The following MIS18BP1 variants were observed in gnomAD, a reference collection of about 807,000 sequenced individuals.
MIS18BP1 encodes mis18-binding protein 1.
In MIS18BP1, 72 loss-of-function variants were observed where a neutral mutation model predicts 116.1. That is an observed-to-expected ratio of 0.62 (90% CI 0.51 to 0.75). MIS18BP1 has a LOEUF of 0.75. Among genes scored for constraint, MIS18BP1 ranks in the 30% least tolerant of loss-of-function variants. The probability of loss-of-function intolerance (pLI) is 0.00; values close to 1 mark genes in which losing one functional copy is unlikely to be tolerated. For missense variants in MIS18BP1, 1,363 were observed against 1,303.2 expected (o/e 1.05, Z -0.71); for synonymous variants, 386 against 427.0 (o/e 0.90, Z 1.18).
chr14:45,218,903 C>T (rs1271888627), intron 11 of MIS18BP1, among the ~76,000 whole-genome samples: 1 of 129,528 alleles, frequency 7.7e-6, no homozygotes, highest in Non-Finnish European at 1.8e-5. Context: ...AAGTGTTATG[C>T]TTGCTTTCAT....
chr14:45,210,475 G>A lies in MIS18BP1; in HGVS notation c.3057C>T (p.Asp1019=). Reference sequence around the variant, plus strand: ...CTGATGATGGAGTTGTTGGATTTTTGTCCATATTTGGCAGAATATCATCAT... The same window carrying A: ...CTGATGATGGAGTTGTTGGATTTTTATCCATATTTGGCAGAATATCATCAT... The part of the protein sequence containing the change: ...EDDDDILPNM[D]KNPTTPSSVI... Residue 1019 remains aspartate (D), a synonymous_variant, in exon 14 of 17, where the codon GAC becomes GAT. Coordinates refer to ENST00000310806, the MANE Select transcript of MIS18BP1 (RefSeq NM_018353.5). 6.2e-7 allele frequency: 1 copy of A among 1,613,934 alleles called. No individual in the cohort carries two copies. Among genetic ancestry groups the A allele is most frequent in the African/African-American group, 1.3e-5 (1 of 75,002 alleles).
rs1363384120 is a variant in MIS18BP1, at chr14:45,242,037, A to G, written c.1140T>C (p.Asn380=). 1.9e-6 allele frequency: 3 copies of G among 1,593,832 alleles called. No homozygotes were observed. The highest frequency in any genetic ancestry group is 2.6e-6 in the Non-Finnish European group (3 of 1,171,462). Residue 380 remains asparagine, a synonymous_variant, in exon 4 of 17, where the codon AAT becomes AAC. Transcript: ENST00000310806. ...TCTGTCTTAAAAGTTTTCCCACCTG[A>G]TTTTTTTTAAGTCCATTTGTAACAG... ...FQTVTNGLKK[N]QVVQLQEWMI... is the part of the protein sequence containing the mutation.
chr14:45,216,389 A>T (rs1014309315), intron 13 of MIS18BP1, among the ~76,000 whole-genome samples: 1 of 152,234 alleles, frequency 6.6e-6, no homozygotes, highest in African/African-American at 2.4e-5. Flanking sequence ...TTCAGAAAGT[A>T]CATAAATATA....
chr14:45,250,070 A>G (rs919736081), intron 1 of MIS18BP1: 6 of 152,180 alleles, frequency 3.9e-5, no homozygotes, highest in African/African-American at 1.4e-4. Flanking sequence ...TTAAAGTCAG[A>G]TAATTGTGGT....
chr14:45,222,967 G>A (rs574964602), intron 11 of MIS18BP1, among the ~76,000 whole-genome samples: 9 of 152,190 alleles, frequency 5.9e-5, no homozygotes, highest in Non-Finnish European at 1.3e-4. Context: ...TGTAGAGAAG[G>A]TTCTCATCTC....
chr14:45,232,436 A>AAAC (rs1555372031), intron 7 of MIS18BP1: 87 of 238,916 alleles, frequency 3.6e-4, no homozygotes, highest in African/African-American at 1.3e-3. Flanking sequence ...AAAAAAAAAA[A>AAAC]AACAACAACA....
intron 13 of MIS18BP1, among the ~76,000 whole-genome samples, chr14:45,211,511 C>T (rs1334730427): frequency 6.6e-6 from 1 of 152,240 alleles, no homozygotes; most frequent in Non-Finnish European, 1.5e-5. Context: ...CTCCTATGTT[C>T]ACTCCACAAA....
intron 14 of MIS18BP1, among the ~76,000 whole-genome samples, chr14:45,207,426 G>A (rs1161149952): frequency 5.9e-5 from 9 of 152,282 alleles, no homozygotes; most frequent in East Asian, 5.8e-4. Flanking sequence ...TGAGGCTGGC[G>A]GATTACCTGA....
At position 45,242,781 on chromosome 14, in the gene MIS18BP1, G is replaced by A. The variant is rs1326500174; in HGVS notation, c.638C>T (p.Pro213Leu). 6.2e-7 allele frequency: 1 copy of A among 1,610,934 alleles called. No homozygotes were observed. Among genetic ancestry groups the A allele is most frequent in the East Asian group, 2.2e-5 (1 of 44,844 alleles). Reference sequence around the variant, plus strand: ...TTTACCGTAAGTTAAATTGTGCAGTGGTGCTTTCTTTTCCTGCTGGCACTG... The same window carrying A: ...TTTACCGTAAGTTAAATTGTGCAGTAGTGCTTTCTTTTCCTGCTGGCACTG... ...KIQCQQEKKA[P>L]LHNLTYELPT... Residue 213 changes from proline (P) to leucine (L), a missense_variant, in exon 3 of 17, where the codon CCA (proline) becomes CTA (leucine). Pro to Leu is a moderately conservative substitution (Grantham distance 98). Transcript: ENST00000310806.
intron 8 of MIS18BP1, among the ~76,000 whole-genome samples, chr14:45,230,456 C>T (rs1346950661): frequency 6.6e-6 from 1 of 151,948 alleles, no homozygotes; most frequent in Non-Finnish European, 1.5e-5. Context: ...TTTGCCTATC[C>T]GTAGGAATGA....
At chr14:45,211,801 T>A (rs932014088) in intron 13 of MIS18BP1, among the ~76,000 whole-genome samples, 11 of 152,306 alleles carry the variant, frequency 7.2e-5, no homozygotes, top group South Asian at 4.1e-4. Context: ...GTAAGAACAT[T>A]AGGGGAGCTT....
At chr14:45,211,376 G>A (rs753238566) in intron 13 of MIS18BP1, among the ~76,000 whole-genome samples, 8 of 152,176 alleles carry the variant, frequency 5.3e-5, no homozygotes, top group Non-Finnish European at 8.8e-5. Context: ...GTTGAGCCCA[G>A]GATGGTGCTG....
intron 4 of MIS18BP1, among the ~76,000 whole-genome samples, chr14:45,241,112 A>G (rs1384082881): frequency 6.6e-6 from 1 of 152,208 alleles, no homozygotes; most frequent in Non-Finnish European, 1.5e-5. Context: ...TAAAAAATTA[A>G]TTATTAATTA....
At chr14:45,247,483 CATAACAATACTAG>C (rs945685410) in intron 1 of MIS18BP1, 106 bp from the exon 2 acceptor site, 9 of 442,754 alleles carry the variant, frequency 2.0e-5, no homozygotes, top group Non-Finnish European at 3.6e-5. Flanking sequence ...TTAACTGGTT[CATAACAATACTAG>C]ATAATCACAA....
At position 45,242,418 on chromosome 14, in the gene MIS18BP1, T is replaced by C. The variant is rs2139236729; in HGVS notation, c.759A>G (p.Ser253=). 1 of 1,613,908 alleles carries C rather than the reference T, an allele frequency of 6.2e-7. No homozygotes were observed. The highest frequency in any genetic ancestry group is 8.5e-7 in the Non-Finnish European group (1 of 1,179,944). ...TAGTGGTTGCAACTATACTCTCCTT[T>C]GAGTGAAAAATTTGTTTAGCCAACT... ...RAQLAKQIFH[S]KESIVATTKS... The change falls in exon 4 of 17, where the codon TCA becomes TCG. Residue 253 remains serine, a synonymous_variant. Transcript: ENST00000310806.
At chr14:45,242,663 A>G in intron 3 of MIS18BP1, 98 bp downstream of exon 3, 1 of 1,455,370 alleles carries the variant, frequency 6.9e-7, no homozygotes, top group Non-Finnish European at 9.2e-7. Flanking sequence ...GCTTTTGTCC[A>G]CAGCTAAAGT....
intron 8 of MIS18BP1, among the ~76,000 whole-genome samples, chr14:45,230,437 G>T (rs1354282554): frequency 6.6e-6 from 1 of 152,070 alleles, no homozygotes; most frequent in East Asian, 1.9e-4. Flanking sequence ...TCCATGAAAG[G>T]AAACAGATTT....
At chr14:45,214,367 C>T (rs1890757036) in intron 13 of MIS18BP1, among the ~76,000 whole-genome samples, 2 of 152,220 alleles carry the variant, frequency 1.3e-5, no homozygotes, top group Admixed American at 6.5e-5. Context: ...CATCAAGGCA[C>T]AGCACCTTTT....
intron 11 of MIS18BP1, among the ~76,000 whole-genome samples, chr14:45,220,835 TGTTCA>T (rs1432330781): frequency 6.6e-6 from 1 of 152,178 alleles, no homozygotes; most frequent in African/African-American, 2.4e-5. Context: ...TTTTCATTTT[TGTTCA>T]GTTAAGAATA....
Sources: allele counts gnomAD v4.1 joint callset (sites outside exome capture counted in the v4.1 genomes callset), GRCh38; gene constraint gnomAD v4.1.1; transcripts MANE v1.5; gene names NCBI Gene and HGNC (gene_info 2026-07-23, HGNC 2026-07-21).